DLG2: variants seen among roughly 807,000 people sequenced by gnomAD.
DLG2 encodes the protein disks large homolog 2.
In DLG2, 45 loss-of-function variants were observed where a neutral mutation model predicts 132.5. That is an observed-to-expected ratio of 0.34 (90% CI 0.27 to 0.44). The LOEUF is 0.44. DLG2 is among the 20% of genes least tolerant of loss of function. The pLI is 1.00. For synonymous variants in DLG2, 424 were observed against 419.6 expected, an observed-to-expected ratio of 1.01 and a Z score of -0.13; for missense variants, 1,045 against 1,196.9, an observed-to-expected ratio of 0.87 and a Z score of 1.87.
At chr11:83,854,898 T>C (rs2154033053) in intron 16 of DLG2, among the ~76,000 whole-genome samples, 1 of 152,054 alleles carries the variant, frequency 6.6e-6, no homozygotes, top group East Asian at 1.9e-4. Context: ...GAGAAAATGA[T>C]TACAAAAGAC....
chr11:84,927,920 G>A (rs1178860929), intron 6 of DLG2, among the ~76,000 whole-genome samples: 1 of 151,822 alleles, frequency 6.6e-6, no homozygotes. Flanking sequence ...AAAAACACTA[G>A]GTATGTGGCT....
intron 18 of DLG2, among the ~76,000 whole-genome samples, chr11:83,779,874 A>C (rs1247045725): frequency 6.6e-6 from 1 of 152,238 alleles, no homozygotes; most frequent in Admixed American, 6.5e-5. Context: ...TGTTAGCGAC[A>C]AAACTTTCAA....
rs1364644123 is a variant in DLG2 at position 85,352,015 on chromosome 11, T to G, written c.41-66650A>C. Among the ~76,000 whole-genome samples the G allele has an allele frequency of 2.0e-5, 3 of 152,232 alleles. No individual in the cohort carries two copies. The East Asian group carries it at 5.8e-4, about 29-fold the overall frequency. ...GCTCCTCTTTGTACCTCTGATAGAA[T>G]CTGGCTGTAAATCCATCTGGTCCTG... is the stretch of plus-strand genomic sequence containing the variant. On this transcript the variant is annotated intron_variant, in intron 3 of 27. Coordinates refer to ENST00000376104, the MANE Select transcript of DLG2 (RefSeq NM_001142699.3).
chr11:85,026,499 C>G (rs1171932413), intron 6 of DLG2, among the ~76,000 whole-genome samples: 1 of 151,996 alleles, frequency 6.6e-6, no homozygotes, highest in Non-Finnish European at 1.5e-5. Context: ...ATTGTTAAAG[C>G]TTTATTGAAG....
At chr11:84,802,245 A>G (rs1404824407) in intron 6 of DLG2, among the ~76,000 whole-genome samples, 1 of 152,144 alleles carries the variant, frequency 6.6e-6, no homozygotes, top group Non-Finnish European at 1.5e-5. Flanking sequence ...AAAGAAAATA[A>G]TAGGAAATTA....
intron 15 of DLG2, among the ~76,000 whole-genome samples, chr11:83,914,123 G>A (rs993218141): frequency 6.6e-6 from 1 of 152,148 alleles, no homozygotes; most frequent in Non-Finnish European, 1.5e-5. Flanking sequence ...TTCATCCCCA[G>A]TGTTGGAGGT....
At position 84,830,369 on chromosome 11, in the gene DLG2, CG is replaced by C. The variant is rs139445806; in HGVS notation, c.357+281291del. The stretch of plus-strand genomic sequence containing the variant: ...AAATTTTGACAGCAGGCGTCATCTA[CG>C]TTTTTTTTTTTTTGGCAAGTGGAGG... On this transcript the variant is annotated intron_variant, in intron 6 of 27. Coordinates refer to ENST00000376104, the MANE Select transcript of DLG2 (RefSeq NM_001142699.3). Among the ~76,000 whole-genome samples the C allele has an allele frequency of 1.6e-4, 24 of 147,720 alleles. 1 individual carries two copies. The highest frequency in any genetic ancestry group is 3.9e-4 in the East Asian group (2 of 5,070).
At chr11:83,516,907 T>C (rs1258473700) in intron 21 of DLG2, among the ~76,000 whole-genome samples, 2 of 132,852 alleles carry the variant, frequency 1.5e-5, no homozygotes, top group Non-Finnish European at 3.4e-5. Context: ...GTTAGTCTGA[T>C]GGGCTTCCCT....
intron 5 of DLG2, among the ~76,000 whole-genome samples, chr11:85,150,250 G>C (rs1009776141): frequency 1.3e-5 from 2 of 151,912 alleles, no homozygotes; most frequent in Non-Finnish European, 2.9e-5. Flanking sequence ...TCGATCTCCT[G>C]ACCTCGTGAT....
intron 6 of DLG2, among the ~76,000 whole-genome samples, chr11:85,083,633 C>T (rs1239372971): frequency 1.3e-5 from 2 of 152,026 alleles, no homozygotes; most frequent in East Asian, 3.9e-4. Flanking sequence ...AGGGGGGCTT[C>T]TAGGTCATAG....
At chr11:84,783,612 T>C (rs2072238743) in intron 6 of DLG2, among the ~76,000 whole-genome samples, 1 of 152,180 alleles carries the variant, frequency 6.6e-6, no homozygotes, top group African/African-American at 2.4e-5. Flanking sequence ...TATAACACTA[T>C]AGCTTTAGTA....
chr11:84,862,304 A>C (rs1156823277), intron 6 of DLG2, among the ~76,000 whole-genome samples: 1 of 152,206 alleles, frequency 6.6e-6, no homozygotes, highest in Non-Finnish European at 1.5e-5. Context: ...GGTGATCATT[A>C]TAAAGTCAGG....
intron 6 of DLG2, among the ~76,000 whole-genome samples, chr11:84,657,008 C>T (rs2099689116): frequency 6.6e-6 from 1 of 152,124 alleles, no homozygotes; most frequent in Middle Eastern, 3.2e-3. Flanking sequence ...AACAACGATT[C>T]TTTAAGTAGT....
chr11:84,819,130 A>T (rs1348222541), intron 6 of DLG2, among the ~76,000 whole-genome samples: 1 of 138,624 alleles, frequency 7.2e-6, no homozygotes, highest in South Asian at 2.3e-4. Context: ...GCTTACAACA[A>T]TCTAGTAAAG....
chr11:85,043,103 C>T (rs1018361323), intron 6 of DLG2, among the ~76,000 whole-genome samples: 1 of 151,852 alleles, frequency 6.6e-6, no homozygotes, highest in Non-Finnish European at 1.5e-5. Flanking sequence ...CATCCCTACA[C>T]TAATAGATTT....
chr11:85,004,515 A>G (rs1268047709), intron 6 of DLG2, among the ~76,000 whole-genome samples: 1 of 152,066 alleles, frequency 6.6e-6, no homozygotes, highest in Non-Finnish European at 1.5e-5. Context: ...ACATCAGTGT[A>G]TTCTTCTGAG....
At chr11:83,768,713 A>G (rs2094251780) in intron 18 of DLG2, among the ~76,000 whole-genome samples, 1 of 152,218 alleles carries the variant, frequency 6.6e-6, no homozygotes, top group Admixed American at 6.5e-5. Context: ...CCATGCATAT[A>G]AGTTTAATGA....
chr11:84,899,041 T>C (rs896929520), intron 6 of DLG2, among the ~76,000 whole-genome samples: 1 of 152,084 alleles, frequency 6.6e-6, no homozygotes, highest in Non-Finnish European at 1.5e-5. Flanking sequence ...CACAAATTTT[T>C]GTGAATGAGT....
intron 6 of DLG2, among the ~76,000 whole-genome samples, chr11:84,920,529 C>A (rs2092704135): frequency 6.6e-6 from 1 of 152,158 alleles, no homozygotes; most frequent in Non-Finnish European, 1.5e-5. Context: ...TACTTCAAAG[C>A]ATTTATTTGT....
Sources: gnomAD v4.1 joint callset for allele counts (sites outside exome capture counted in the v4.1 genomes callset) on GRCh38, gnomAD v4.1.1 for gene constraint, MANE v1.5 for transcripts, NCBI Gene and HGNC (gene_info 2026-07-23, HGNC 2026-07-21) for gene names.